QTMAN: variants seen among roughly 807,000 people sequenced by gnomAD.
The protein encoded by QTMAN is queuosine-tRNA mannosyltransferase.
the QTMAN span, among the ~76,000 whole-genome samples, chr2:143,972,482 T>G: frequency 6.6e-6 from 1 of 151,944 alleles, no homozygotes; most frequent in Non-Finnish European, 1.5e-5. Flanking sequence ...AAAGTAAAAG[T>G]AGATGAGGTT....
At chr2:144,091,923 A>G in the QTMAN span, among the ~76,000 whole-genome samples, 5 of 152,222 alleles carry the variant, frequency 3.3e-5, no homozygotes, top group Non-Finnish European at 5.9e-5. Context: ...AAGAAGTCAG[A>G]TAAAAAGAAG....
the QTMAN span, among the ~76,000 whole-genome samples, chr2:144,072,229 G>GC: frequency 6.6e-6 from 1 of 152,044 alleles, no homozygotes; most frequent in African/African-American, 2.4e-5. Flanking sequence ...GGAATCCGAT[G>GC]CCCAGAAAAA....
the QTMAN span, among the ~76,000 whole-genome samples, chr2:144,309,762 T>A: frequency 6.6e-6 from 1 of 152,180 alleles, no homozygotes; most frequent in African/African-American, 2.4e-5. Context: ...ATTATACCAA[T>A]AAATATGATT....
At chr2:144,192,072 T>C in the QTMAN span, among the ~76,000 whole-genome samples, 8 of 152,034 alleles carry the variant, frequency 5.3e-5, no homozygotes, top group South Asian at 6.2e-4. Context: ...TTGGAGGAGA[T>C]AGGGTTGTGA....
chr2:144,198,264 C>T, the QTMAN span, among the ~76,000 whole-genome samples: 2 of 151,804 alleles, frequency 1.3e-5, no homozygotes, highest in South Asian at 4.1e-4. Flanking sequence ...TTTCCTTTTG[C>T]TCTCTTGTAC....
chr2:144,162,429 G>C, the QTMAN span, among the ~76,000 whole-genome samples: 1 of 152,184 alleles, frequency 6.6e-6, no homozygotes, highest in African/African-American at 2.4e-5. Context: ...AATTTAGGAA[G>C]TGACTCTGGA....
chr2:144,071,695 T>A, the QTMAN span, among the ~76,000 whole-genome samples: 1 of 149,966 alleles, frequency 6.7e-6, no homozygotes, highest in African/African-American at 2.4e-5. Flanking sequence ...GCCCAACATC[T>A]TCTCTAAATT....
the QTMAN span, among the ~76,000 whole-genome samples, chr2:144,121,792 T>C: frequency 6.6e-6 from 1 of 152,194 alleles, no homozygotes; most frequent in Non-Finnish European, 1.5e-5. Flanking sequence ...TGGGGTGTTT[T>C]CAAATACCCA....
chr2:144,313,529 A>G, the QTMAN span, among the ~76,000 whole-genome samples: 1 of 152,214 alleles, frequency 6.6e-6, no homozygotes, highest in East Asian at 1.9e-4. Context: ...AGGAAAAAGA[A>G]AAAAGGAGAT....
the QTMAN span, among the ~76,000 whole-genome samples, chr2:144,181,493 C>T: frequency 6.6e-6 from 1 of 152,084 alleles, no homozygotes; most frequent in Admixed American, 6.6e-5. Context: ...GTTCTTAAAA[C>T]TAATTTAACT....
At chr2:144,226,512 G>A in the QTMAN span, among the ~76,000 whole-genome samples, 1 of 152,112 alleles carries the variant, frequency 6.6e-6, no homozygotes, top group Non-Finnish European at 1.5e-5. Flanking sequence ...TGCCTACATT[G>A]TGATTATGTA....
At chr2:144,265,305 T>G in the QTMAN span, among the ~76,000 whole-genome samples, 1 of 152,228 alleles carries the variant, frequency 6.6e-6, no homozygotes. Flanking sequence ...TACACCACTT[T>G]GCATGGCCTT....
the QTMAN span, among the ~76,000 whole-genome samples, chr2:144,314,508 C>T: frequency 6.6e-6 from 1 of 151,990 alleles, no homozygotes; most frequent in Non-Finnish European, 1.5e-5. Flanking sequence ...GTCAGGAGAT[C>T]GAGACCATCC....
chr2:144,239,465 T>C, the QTMAN span, among the ~76,000 whole-genome samples: 1 of 152,012 alleles, frequency 6.6e-6, no homozygotes, highest in Non-Finnish European at 1.5e-5. Flanking sequence ...GTCATCTCAC[T>C]AACCAGAAGT....
chr2:143,953,376 G>T, the QTMAN span, among the ~76,000 whole-genome samples: 1 of 151,950 alleles, frequency 6.6e-6, no homozygotes, highest in Admixed American at 6.6e-5. Flanking sequence ...TTGTTATTAT[G>T]CAGAATGTAA....
At chr2:144,171,801 G>C in the QTMAN span, among the ~76,000 whole-genome samples, 11 of 152,120 alleles carry the variant, frequency 7.2e-5, no homozygotes, top group Non-Finnish European at 1.0e-4. Context: ...AATAATTTAT[G>C]GAACGAAGCC....
chr2:144,276,496 T>G, the QTMAN span, among the ~76,000 whole-genome samples: 4 of 152,310 alleles, frequency 2.6e-5, no homozygotes, highest in African/African-American at 9.6e-5. Flanking sequence ...GGCCTCTATA[T>G]TTGAGATTTT....
the QTMAN span, among the ~76,000 whole-genome samples, chr2:144,125,094 TA>T: frequency 1.3e-5 from 2 of 152,098 alleles, no homozygotes; most frequent in East Asian, 1.9e-4. Context: ...CAGACATTAC[TA>T]ATCTATCATA....
the QTMAN span, among the ~76,000 whole-genome samples, chr2:144,059,530 G>A: frequency 6.6e-6 from 1 of 152,156 alleles, no homozygotes; most frequent in Admixed American, 6.6e-5. Flanking sequence ...TGCACAGTTG[G>A]GGAAAAGAAA....
Sources: allele counts gnomAD v4.1 joint callset (sites outside exome capture counted in the v4.1 genomes callset), GRCh38; gene constraint gnomAD v4.1.1; transcripts MANE v1.5; gene names NCBI Gene and HGNC (gene_info 2026-07-23, HGNC 2026-07-21).